SPATA17: variants seen among roughly 807,000 people sequenced by gnomAD.
The protein encoded by SPATA17 is spermatogenesis-associated protein 17.
A neutral mutation model predicts 62.2 loss-of-function variants in SPATA17; 53 were observed. The observed-to-expected ratio is 0.85, with a 90% CI of 0.68 to 1.07. The LOEUF (loss-of-function observed/expected upper bound fraction) is 1.07, where lower values mean the gene tolerates loss of function less well. Ranked by LOEUF, SPATA17 falls within the 50% of genes least tolerant of loss-of-function variation. SPATA17 has a pLI of 0.00. For missense variants in SPATA17, 466 were observed against 425.5 expected (o/e 1.10, Z -0.84); for synonymous variants, 146 against 146.8 (o/e 0.99, Z 0.04).
chr1:217,826,336 G>A (rs61827064), intron 9 of SPATA17, among the ~76,000 whole-genome samples: 4,908 of 152,064 alleles, frequency 0.032, 111 homozygotes, highest in Middle Eastern at 0.065. Flanking sequence ...TCATCTCTTT[G>A]TAGGCCCAAA....
In SPATA17 at chr1:217,791,654, G is replaced by T. The variant is rs573902407; in HGVS notation, c.872+9332G>T. ...GGAATACTTTCAGTGATATGCTTGA[G>T]AATATGTACTTTTAGTATATATCAT... On this transcript the variant is annotated intron_variant, in intron 8 of 10. Coordinates refer to ENST00000366933, the MANE Select transcript of SPATA17 (RefSeq NM_138796.4). 2.6e-5 allele frequency among the ~76,000 whole-genome samples: 4 copies of T among 152,274 alleles called. No homozygotes were observed. The East Asian group carries it at 7.7e-4, about 29-fold the overall frequency.
At chr1:217,719,492 G>C (rs977889206) in intron 5 of SPATA17, among the ~76,000 whole-genome samples, 4 of 152,142 alleles carry the variant, frequency 2.6e-5, no homozygotes, top group African/African-American at 7.2e-5. Flanking sequence ...TACAGTAACA[G>C]ATGCAACAAT....
intron 9 of SPATA17, among the ~76,000 whole-genome samples, chr1:217,817,676 T>A (rs1475337375): frequency 6.6e-6 from 1 of 152,072 alleles, no homozygotes; most frequent in East Asian, 1.9e-4. Context: ...GCCCTGAAAT[T>A]GCAGCATAAT....
chr1:217,802,218 T>C (rs944406820), intron 9 of SPATA17, among the ~76,000 whole-genome samples: 11 of 152,108 alleles, frequency 7.2e-5, no homozygotes, highest in African/African-American at 2.7e-4. Flanking sequence ...TGTATGTTTA[T>C]AGATAGCTAA....
At chr1:217,686,681 T>A (rs1292617950) in intron 5 of SPATA17, among the ~76,000 whole-genome samples, 1 of 152,192 alleles carries the variant, frequency 6.6e-6, no homozygotes, top group Non-Finnish European at 1.5e-5. Context: ...TAAAAAGTCA[T>A]CTATAATTTC....
At chr1:217,794,430 T>G (rs1249711835) in intron 8 of SPATA17, among the ~76,000 whole-genome samples, 1 of 152,224 alleles carries the variant, frequency 6.6e-6, no homozygotes, top group African/African-American at 2.4e-5. Flanking sequence ...ATTTATCTTG[T>G]CAGGGACCTT....
chr1:217,870,000 G>T lies in SPATA17; in HGVS notation c.*2981G>T, dbSNP rs1244460756. On this transcript the variant is annotated 3_prime_UTR_variant, in exon 11 of 11. Transcript: ENST00000366933. ...GAACCAAGACTTGGTTATTGTTAAAGCTGATGATTGGCTGTATGAAGATTT... is the reference window on the plus strand; with the variant it reads ...GAACCAAGACTTGGTTATTGTTAAATCTGATGATTGGCTGTATGAAGATTT... The T allele has an allele frequency of 3.3e-5, 5 of 152,160 alleles. No homozygotes were observed. The East Asian group carries it at 9.6e-4, about 29-fold the overall frequency. The allele number at this position is 152,160 out of a possible 1,614,324, so 9.4% of individuals were successfully genotyped here.
chr1:217,647,305 T>A (rs1670205287), intron 1 of SPATA17, among the ~76,000 whole-genome samples: 1 of 151,570 alleles, frequency 6.6e-6, no homozygotes, highest in Admixed American at 6.6e-5. Context: ...TAGGGAGAGG[T>A]TTCAATGTTG....
At chr1:217,661,602 G>C (rs12739703) in intron 3 of SPATA17, among the ~76,000 whole-genome samples, 57,170 of 151,622 alleles carry the variant, frequency 0.38, 11,527 homozygotes, top group Non-Finnish European at 0.46. Context: ...TGTTGTTTTT[G>C]TTTTTCTTTT....
chr1:217,780,757 G>C (rs1487001061), intron 7 of SPATA17, among the ~76,000 whole-genome samples: 2 of 152,110 alleles, frequency 1.3e-5, no homozygotes, highest in East Asian at 3.8e-4. Context: ...GAACCATTTT[G>C]AGTGTTTACT....
At chr1:217,786,803 T>TCTTCTTCTTCTTCTTCTTCTC (rs1673882367) in intron 8 of SPATA17, among the ~76,000 whole-genome samples, 2 of 149,926 alleles carry the variant, frequency 1.3e-5, no homozygotes, top group Admixed American at 6.6e-5. Context: ...TTCTTCTTCT[T>TCTTCTTCTTCTTCTTCTTCTC]CTTCTTCTTC....
intron 9 of SPATA17, among the ~76,000 whole-genome samples, chr1:217,808,265 G>GCATTTTAA (rs972329012): frequency 6.6e-6 from 1 of 151,986 alleles, no homozygotes. Context: ...ATGTGCCCCT[G>GCATTTTAA]CATTTTAACC....
rs371721595 is a variant in SPATA17 at position 217,742,135 on chromosome 1, C to T, written c.519+37C>T. 6.8e-6 allele frequency: 11 copies of T among 1,610,950 alleles called. 1 individual carries two copies. Among genetic ancestry groups the T allele is most frequent in the Admixed American group, 3.4e-5 (2 of 59,472 alleles). On this transcript the variant is annotated intron_variant, in intron 6 of 10. Transcript: ENST00000366933. ...TGTCCCTGACAGCTCCTGTAAGCCA[C>T]TTGGGCCCCTAGCCTGACAAAGATA...
chr1:217,751,263 T>G (rs1417784194), intron 6 of SPATA17, among the ~76,000 whole-genome samples: 1 of 152,224 alleles, frequency 6.6e-6, no homozygotes, highest in Non-Finnish European at 1.5e-5. Flanking sequence ...ATATCTATTT[T>G]CAGAATATTC....
At chr1:217,858,594 A>T (rs1330980510) in intron 9 of SPATA17, among the ~76,000 whole-genome samples, 1 of 152,112 alleles carries the variant, frequency 6.6e-6, no homozygotes, top group Admixed American at 6.6e-5. Flanking sequence ...TTTATTATTG[A>T]TTCAGTTTTT....
At chr1:217,743,417 CTG>C (rs1321793248) in intron 6 of SPATA17, among the ~76,000 whole-genome samples, 1 of 151,950 alleles carries the variant, frequency 6.6e-6, no homozygotes, top group East Asian at 1.9e-4. Context: ...TTTCATTAAA[CTG>C]AGTACTATTA....
At chr1:217,865,829 G>A (rs1170955054) in intron 10 of SPATA17, among the ~76,000 whole-genome samples, 1 of 152,264 alleles carries the variant, frequency 6.6e-6, no homozygotes, top group East Asian at 1.9e-4. Flanking sequence ...TGCAAAATGG[G>A]CTTTGGTCCA....
chr1:217,718,602 TC>T (rs1247668778), intron 5 of SPATA17, among the ~76,000 whole-genome samples: 19 of 152,202 alleles, frequency 1.2e-4, no homozygotes, highest in Non-Finnish European at 2.1e-4. Flanking sequence ...CTAAGAGTAT[TC>T]CTACAAAGTA....
chr1:217,755,483 C>G (rs1180174699), intron 6 of SPATA17, among the ~76,000 whole-genome samples: 1 of 151,868 alleles, frequency 6.6e-6, no homozygotes, highest in Non-Finnish European at 1.5e-5. Flanking sequence ...TGCTGAAAAA[C>G]TTGTCAAAAA....
Sources: allele counts gnomAD v4.1 joint callset (sites outside exome capture counted in the v4.1 genomes callset), GRCh38; gene constraint gnomAD v4.1.1; transcripts MANE v1.5; gene names NCBI Gene and HGNC (gene_info 2026-07-23, HGNC 2026-07-21).